COPS2: variants seen among roughly 807,000 people sequenced by gnomAD.
COPS2 encodes COP9 signalosome subunit 2.
COPS2 carries 10 observed loss-of-function variants against 66.1 expected under a neutral mutation model. That is an observed-to-expected ratio of 0.15 (90% confidence interval 0.09 to 0.26). The LOEUF is 0.26. COPS2 is among the 10% of genes least tolerant of loss of function. COPS2 has a pLI of 1.00. For missense variants in COPS2, 215 were observed against 513.3 expected (o/e 0.42, Z 5.62); for synonymous variants, 179 against 171.3 (o/e 1.04, Z -0.35).
chr15:49,140,796 C>T (rs1299638334), intron 3 of COPS2, among the ~76,000 whole-genome samples: 3 of 151,718 alleles, frequency 2.0e-5, no homozygotes, highest in African/African-American at 7.3e-5. Context: ...GATACAAATG[C>T]TTCTTTCCTT....
intron 1 of COPS2, among the ~76,000 whole-genome samples, chr15:49,148,482 A>G (rs2084337117): frequency 6.6e-6 from 1 of 152,190 alleles, no homozygotes; most frequent in Admixed American, 6.5e-5. Context: ...TAACATGCAA[A>G]TGCAAGGAAG....
chr15:49,137,505 G>A, intron 4 of COPS2, 68 bp from the exon 5 acceptor site: 1 of 1,138,972 alleles, frequency 8.8e-7, no homozygotes. Context: ...AAGTTAATTT[G>A]AACAAACTAA....
chr15:49,141,173 T>G (rs2084287599), intron 3 of COPS2, among the ~76,000 whole-genome samples: 2 of 152,168 alleles, frequency 1.3e-5, no homozygotes, highest in South Asian at 4.1e-4. Context: ...ACTTTGAAGC[T>G]GTATCTTGGC....
intron 3 of COPS2, 81 bp from the exon 4 acceptor site, chr15:49,139,734 C>A: frequency 9.9e-7 from 1 of 1,008,012 alleles, no homozygotes. Flanking sequence ...ATAGAATACA[C>A]TACTACATAA....
At chr15:49,133,154 A>G (rs2084225877) in intron 9 of COPS2, among the ~76,000 whole-genome samples, 1 of 151,512 alleles carries the variant, frequency 6.6e-6, no homozygotes, top group South Asian at 2.1e-4. Flanking sequence ...ACGCCCGGCT[A>G]ATTTTTTGTA....
rs1195822909 is a variant in COPS2, at chr15:49,123,529, AC to A, written c.*4420del. ...AACTGGTGATGAATTTTGTACTCCC[AC>A]AAGTATGTTTCACTTATTACATATG... On this transcript the variant is annotated 3_prime_UTR_variant, in exon 13 of 13. Transcript: ENST00000388901. 1.6e-4 allele frequency: 25 copies of A among 152,208 alleles called. No homozygotes were observed. Among genetic ancestry groups the A allele is most frequent in the African/African-American group, 5.8e-4 (24 of 41,450 alleles). The allele number at this position is 152,208 out of a possible 1,614,324, so 9.4% of individuals were successfully genotyped here.
At position 49,126,312 on chromosome 15, in the gene COPS2, TTCTA is replaced by T. The variant is rs1317341256; in HGVS notation, c.*1634_*1637del. On this transcript the variant is annotated 3_prime_UTR_variant, in exon 13 of 13. Coordinates refer to ENST00000388901, the MANE Select transcript of COPS2 (RefSeq NM_004236.4). ...TGCTAAAGACATTAACTGATTGCTT[TTCTA>T]AATCTAAGGATTATATATTTTTAGT... is the stretch of plus-strand genomic sequence containing the variant. 6.6e-6 allele frequency: 1 copy of T among 152,514 alleles called. No individual in the cohort carries two copies. Among genetic ancestry groups the T allele is most frequent in the Non-Finnish European group, 1.5e-5 (1 of 67,940 alleles). 9.4% of individuals were successfully genotyped at this position (152,514 alleles called of 1,614,324 possible). A position where few individuals can be genotyped will look rare whatever the true frequency, so the allele number is the denominator to read the frequency against.
At chr15:49,142,603 C>T (rs181478800) in intron 3 of COPS2, among the ~76,000 whole-genome samples, 45 of 152,346 alleles carry the variant, frequency 3.0e-4, no homozygotes, top group Non-Finnish European at 5.4e-4. Context: ...GCTTCACTCC[C>T]TGCTCATCTG....
intron 9 of COPS2, among the ~76,000 whole-genome samples, chr15:49,131,933 A>G (rs1595819871): frequency 6.6e-6 from 1 of 152,194 alleles, no homozygotes; most frequent in Non-Finnish European, 1.5e-5. Flanking sequence ...GTTCTAATAC[A>G]GTGGCTTTGC....
rs1045942857 is a variant in COPS2, at chr15:49,124,050, G to A, written c.*3900C>T. 7.2e-5 allele frequency: 11 copies of A among 152,220 alleles called. 1 individual carries two copies. The highest frequency in any genetic ancestry group is 2.2e-4 in the African/African-American group (9 of 41,538). The allele number at this position is 152,220 out of a possible 1,614,324, so 9.4% of individuals were successfully genotyped here. A position where few individuals can be genotyped will look rare whatever the true frequency, so the allele number is the denominator to read the frequency against. ...TAAAGAGAACCTCCAATTTGTCTTC[G>A]TTACGAAATTTCTGCCAAATTCCTG... On this transcript the variant is annotated 3_prime_UTR_variant, in exon 13 of 13. Transcript: ENST00000388901.
At chr15:49,133,658 G>A in intron 9 of COPS2, 101 bp downstream of exon 9, 2 of 694,826 alleles carry the variant, frequency 2.9e-6, no homozygotes, top group South Asian at 2.2e-5. Flanking sequence ...AATACAAAAG[G>A]GCAAATGTTG....
intron 12 of COPS2, among the ~76,000 whole-genome samples, chr15:49,128,450 T>G (rs2084184924): frequency 6.6e-6 from 1 of 152,026 alleles, no homozygotes; most frequent in African/African-American, 2.4e-5. Context: ...ATAAATACTA[T>G]TCATTAAATA....
At chr15:49,137,589 TAACA>T (rs2084262515) in intron 4 of COPS2, 152 bp from the exon 5 acceptor site, 5 of 582,574 alleles carry the variant, frequency 8.6e-6, no homozygotes, top group Non-Finnish European at 1.2e-5. Flanking sequence ...TCCAAAAAAT[TAACA>T]AACTGAAGCA....
rs2084136503 is a variant in COPS2 at position 49,122,974 on chromosome 15, A to G, written c.*4976T>C. On this transcript the variant is annotated 3_prime_UTR_variant, in exon 13 of 13. Transcript: ENST00000388901. ...CCTTTTATATTAGCTTATCATAAAC[A>G]AAATGGAGAAAATTTATAATGCAAC... is the stretch of plus-strand genomic sequence containing the variant. The G allele has an allele frequency of 6.6e-6, 1 of 152,234 alleles. No homozygotes were observed. Among genetic ancestry groups the G allele is most frequent in the Admixed American group, 6.5e-5 (1 of 15,286 alleles). 9.4% of individuals were successfully genotyped at this position (152,234 alleles called of 1,614,324 possible). A position where few individuals can be genotyped will look rare whatever the true frequency, so the allele number is the denominator to read the frequency against.
At chr15:49,147,136 T>C (rs2084326472) in intron 1 of COPS2, among the ~76,000 whole-genome samples, 2 of 152,188 alleles carry the variant, frequency 1.3e-5, no homozygotes. Flanking sequence ...TCTTTTCTAA[T>C]TGTTTTATTA....
chr15:49,149,317 C>T (rs1212283795), intron 1 of COPS2, among the ~76,000 whole-genome samples: 1 of 152,186 alleles, frequency 6.6e-6, no homozygotes, highest in Non-Finnish European at 1.5e-5. Flanking sequence ...ACTTTCCCTC[C>T]TAACAAACTT....
At position 49,130,815 on chromosome 15, in the gene COPS2, C is replaced by A; in HGVS notation, c.949G>T (p.Ala317Ser). 6.6e-7 allele frequency: 1 copy of A among 1,518,818 alleles called. No homozygotes were observed. 94.1% of individuals were successfully genotyped at this position (1,518,818 alleles called of 1,614,324 possible). A position where few individuals can be genotyped will look rare whatever the true frequency, so the allele number is the denominator to read the frequency against. The part of the protein sequence containing the change: ...EILAMTNLVS[A>S]YQNNDITEFE... The stretch of plus-strand genomic sequence containing the variant: ...TCAGTGATGTCATTATTCTGATAGG[C>A]ACTAATAGAAAAACAAAGTGTAAAT... The change falls in exon 10 of 13, where the codon GCC becomes TCC. Residue 317 changes from alanine (A) to serine (S), a missense_variant and splice_region_variant. Coordinates refer to ENST00000388901, the MANE Select transcript of COPS2 (RefSeq NM_004236.4).
chr15:49,136,630 T>C (rs142529695), intron 6 of COPS2, among the ~76,000 whole-genome samples: 88 of 152,294 alleles, frequency 5.8e-4, no homozygotes, highest in African/African-American at 1.9e-3. Flanking sequence ...TACATATCAA[T>C]ATAATAGTAA....
chr15:49,132,335 G>C (rs1390600090), intron 9 of COPS2, among the ~76,000 whole-genome samples: 1 of 148,872 alleles, frequency 6.7e-6, no homozygotes, highest in African/African-American at 2.5e-5. Context: ...ACTGTTCTTA[G>C]TCCCCCTAAA....
Sources: allele counts gnomAD v4.1 joint callset (sites outside exome capture counted in the v4.1 genomes callset), GRCh38; gene constraint gnomAD v4.1.1; transcripts MANE v1.5; gene names NCBI Gene and HGNC (gene_info 2026-07-23, HGNC 2026-07-21).